Variants in KLHL22 observed in about 807,000 individuals in gnomAD.
The protein encoded by KLHL22 is kelch-like protein 22.
KLHL22 carries 18 observed loss-of-function variants against 60.7 expected under a neutral mutation model. That is an observed-to-expected ratio of 0.30 (90% CI 0.20 to 0.44). The LOEUF is 0.44. KLHL22 is among the 20% of genes least tolerant of loss of function. The probability of loss-of-function intolerance (pLI) is 1.00; values close to 1 mark genes in which losing one functional copy is unlikely to be tolerated. For missense variants in KLHL22, 596 were observed against 852.3 expected (o/e 0.70, Z 3.74); for synonymous variants, 355 against 354.5 (o/e 1.00, Z -0.01).
chr22:20,448,070 AC>A (rs896152881), intron 5 of KLHL22, among the ~76,000 whole-genome samples: 16 of 152,090 alleles, frequency 1.1e-4, no homozygotes, highest in African/African-American at 3.4e-4. Flanking sequence ...CACCTCCCTT[AC>A]CCTAATCCCT....
chr22:20,451,957 T>C lies in KLHL22; in HGVS notation c.1306-5281A>G, dbSNP rs2052986092. 5 of 765,858 alleles carry C rather than the reference T, an allele frequency of 6.5e-6. No individual in the cohort carries two copies. The South Asian group carries it at 7.1e-5, about 11-fold the overall frequency. 47.4% of individuals were successfully genotyped at this position (765,858 alleles called of 1,614,324 possible). ...ATTACAGGCACCAGTGCAGTGATGATTGTACTTATTTGACACATACTCCCC... is the reference window on the plus strand; with the variant it reads ...ATTACAGGCACCAGTGCAGTGATGACTGTACTTATTTGACACATACTCCCC... On this transcript the variant is annotated intron_variant, in intron 5 of 6. Coordinates refer to ENST00000328879, the MANE Select transcript of KLHL22 (RefSeq NM_032775.4).
chr22:20,471,277 G>C, intron 3 of KLHL22, 73 bp downstream of exon 3: 2 of 1,437,304 alleles, frequency 1.4e-6, no homozygotes, highest in Non-Finnish European at 1.9e-6. Flanking sequence ...GCTAGTGCCC[G>C]GCAGGCATCA....
rs201897728 is a variant in KLHL22, at chr22:20,465,405, G to A, written c.565C>T (p.Arg189Cys). Residue 189 changes from arginine to cysteine, a missense_variant, in exon 4 of 7, where the codon CGC (arginine) becomes TGC (cysteine). Coordinates refer to ENST00000328879, the MANE Select transcript of KLHL22 (RefSeq NM_032775.4). The surrounding 1 kb of genome is among the most constrained non-coding windows in gnomAD (Gnocchi z 4.9). ...TAGACCTTCTCCAATGGAAGCTGGC[G>A]GTACTTGTCAGTCCGAGAGAAGGCC... ...FVAFSRTDKY[R>C]QLPLEKVYSL... 109 of 1,614,050 alleles carry A rather than the reference G, an allele frequency of 6.8e-5. No homozygotes were observed. Among genetic ancestry groups the A allele is most frequent in the Non-Finnish European group, 2.7e-5 (32 of 1,180,038 alleles).
At chr22:20,458,273 C>CTTTTTTTTTTTTTTT (rs35379911) in intron 4 of KLHL22, among the ~76,000 whole-genome samples, 1 of 76,488 alleles carries the variant, frequency 1.3e-5, no homozygotes, top group Non-Finnish European at 2.3e-5. Context: ...TCCAATGGCT[C>CTTTTTTTTTTTTTTT]TTTTTTTTTT....
chr22:20,455,122 T>TC (rs984902254), intron 5 of KLHL22, among the ~76,000 whole-genome samples: 4 of 151,936 alleles, frequency 2.6e-5, no homozygotes, highest in Non-Finnish European at 4.4e-5. Flanking sequence ...CCTCAGGTGA[T>TC]CCCCCCCGCC....
chr22:20,466,395 A>G (rs1028799113), intron 3 of KLHL22, among the ~76,000 whole-genome samples: 5 of 150,542 alleles, frequency 3.3e-5, no homozygotes, highest in East Asian at 1.9e-4. Flanking sequence ...AAAAAAAAAA[A>G]AAGAAGTACT....
intron 2 of KLHL22, among the ~76,000 whole-genome samples, chr22:20,488,313 AAGGGTGGTGACACCC>A (rs2053619811): frequency 6.6e-6 from 1 of 152,220 alleles, no homozygotes; most frequent in Admixed American, 6.5e-5. Flanking sequence ...TATGTGAAAT[AAGGGTGGTGACACCC>A]ACCTCCTTGA....
At chr22:20,442,528 T>TTA (rs2052778327) in intron 6 of KLHL22, 90 bp from the exon 7 acceptor site, 1 of 1,442,048 alleles carries the variant, frequency 6.9e-7, no homozygotes, top group African/African-American at 1.4e-5. Context: ...GTGGCAACAG[T>TTA]TACCCACCAT....
intron 6 of KLHL22, 152 bp from the exon 7 acceptor site, chr22:20,442,590 T>A: frequency 1.0e-6 from 1 of 989,348 alleles, no homozygotes; most frequent in Non-Finnish European, 1.4e-6. Context: ...TGTTGAAACA[T>A]CCTGTCCATG....
intron 5 of KLHL22, among the ~76,000 whole-genome samples, chr22:20,454,193 G>A (rs1175563470): frequency 6.6e-6 from 1 of 152,018 alleles, no homozygotes; most frequent in African/African-American, 2.4e-5. Flanking sequence ...GCTGGGCATG[G>A]TGGTGCTCAC....
At chr22:20,456,474 C>T (rs557214589) in intron 5 of KLHL22, 2 of 152,362 alleles carry the variant, frequency 1.3e-5, no homozygotes, top group South Asian at 4.1e-4. Context: ...CCAGCTGCCG[C>T]AGACAAAGAA....
intron 5 of KLHL22, among the ~76,000 whole-genome samples, chr22:20,454,695 A>C (rs2053034967): frequency 6.6e-6 from 1 of 152,216 alleles, no homozygotes; most frequent in Non-Finnish European, 1.5e-5. Flanking sequence ...TACTATATCA[A>C]TATGAGGAAT....
intron 2 of KLHL22, among the ~76,000 whole-genome samples, chr22:20,478,736 G>C (rs922818017): frequency 4.1e-5 from 6 of 147,758 alleles, no homozygotes; most frequent in African/African-American, 7.4e-5. Flanking sequence ...GGATGGTCTC[G>C]ATCTCCTGAC....
intron 4 of KLHL22, among the ~76,000 whole-genome samples, chr22:20,461,444 T>C (rs1019113292): frequency 2.0e-5 from 3 of 150,016 alleles, no homozygotes. Context: ...TCCCACCTAC[T>C]CGGGAGGCTG....
rs752258206 is a variant in KLHL22, at chr22:20,446,543, G to A, written c.1439C>T (p.Pro480Leu). 3.3e-5 allele frequency: 53 copies of A among 1,613,762 alleles called. No individual in the cohort carries two copies. The highest frequency in any genetic ancestry group is 2.7e-4 in the South Asian group (25 of 91,084). Residue 480 changes from proline (P) to leucine (L), a missense_variant, in exon 6 of 7, where the codon CCT (proline) becomes CTT (leucine). Coordinates refer to ENST00000328879, the MANE Select transcript of KLHL22 (RefSeq NM_032775.4). The part of the protein sequence containing the change: ...SNTWHTLADG[P>L]VRRAWHGMAT... ...CATGCCGTGCCAGGCGCGCCGCACA[G>A]GCCCATCAGCCAGTGTGTGCCAAGT...
chr22:20,492,882 G>A (rs956116327), intron 1 of KLHL22, among the ~76,000 whole-genome samples: 6 of 152,130 alleles, frequency 3.9e-5, no homozygotes, highest in Non-Finnish European at 7.4e-5. Flanking sequence ...ATGAGCCACC[G>A]CGCCCGGCCC....
intron 2 of KLHL22, among the ~76,000 whole-genome samples, chr22:20,476,059 T>C (rs943487262): frequency 2.6e-5 from 4 of 152,264 alleles, no homozygotes; most frequent in Non-Finnish European, 5.9e-5. Context: ...AATGTAGAGA[T>C]AAATAGCATT....
At chr22:20,486,237 A>T (rs1026242842) in intron 2 of KLHL22, among the ~76,000 whole-genome samples, 3 of 152,064 alleles carry the variant, frequency 2.0e-5, no homozygotes, top group African/African-American at 7.2e-5. Flanking sequence ...AACAGAAGAA[A>T]TTCAGCCTCC....
rs2052765018 is a variant in KLHL22, at chr22:20,441,975, G to A, written c.*98C>T. On this transcript the variant is annotated 3_prime_UTR_variant, in exon 7 of 7. Transcript: ENST00000328879. ...CATAAGCTGTGGCCAACAGGGGCAG[G>A]GGCCCTGCCTGGAGTAAAGTGCTCT... 7.8e-7 allele frequency: 1 copy of A among 1,285,752 alleles called. No homozygotes were observed. Among genetic ancestry groups the A allele is most frequent in the Non-Finnish European group, 1.0e-6 (1 of 962,722 alleles). The allele number at this position is 1,285,752 out of a possible 1,614,324, so 79.6% of individuals were successfully genotyped here. A position where few individuals can be genotyped will look rare whatever the true frequency, so the allele number is the denominator to read the frequency against.
Sources: allele counts gnomAD v4.1 joint callset (sites outside exome capture counted in the v4.1 genomes callset), GRCh38; gene constraint gnomAD v4.1.1; non-coding constraint Gnocchi (gnomAD v3.1); transcripts MANE v1.5; gene names NCBI Gene and HGNC (gene_info 2026-07-23, HGNC 2026-07-21).